Variants in SHISA9 observed in about 807,000 individuals in gnomAD.
The protein encoded by SHISA9 is protein shisa-9.
A neutral mutation model predicts 38.0 loss-of-function variants in SHISA9; 13 were observed. That is an observed-to-expected ratio of 0.34 (90% CI 0.22 to 0.54). The LOEUF (loss-of-function observed/expected upper bound fraction) is 0.54, where lower values mean the gene tolerates loss of function less well. Among genes scored for constraint, SHISA9 ranks in the 20% least tolerant of loss-of-function variants. SHISA9 has a pLI of 0.91. For synonymous variants in SHISA9, 275 were observed against 242.0 expected, an observed-to-expected ratio of 1.14 and a Z score of -1.27; for missense variants, 538 against 575.8, an observed-to-expected ratio of 0.93 and a Z score of 0.67.
chr16:13,213,250 T>C lies in SHISA9; in HGVS notation c.848-3T>C. 6.4e-7 allele frequency: 1 copy of C among 1,551,710 alleles called. No individual in the cohort carries two copies. The highest frequency in any genetic ancestry group is 1.2e-5 in the South Asian group (1 of 84,028). On this transcript the variant is annotated splice_polypyrimidine_tract_variant and splice_region_variant and intron_variant, in intron 3 of 4. Coordinates refer to ENST00000558583, the MANE Select transcript of SHISA9 (RefSeq NM_001145204.3). ...CAGCATTTCTTGATTGTTATTTTTT[T>C]AGGAAGTTCTGATGGTGACTGGGCA...
At chr16:13,546,060 C>T in the SHISA9 span, among the ~76,000 whole-genome samples, 12 of 152,282 alleles carry the variant, frequency 7.9e-5, no homozygotes, top group African/African-American at 2.9e-4. Context: ...CCAGAGAACA[C>T]TAGGCTCACT....
chr16:13,197,170 G>T (rs1165089243), intron 2 of SHISA9, among the ~76,000 whole-genome samples: 7 of 148,986 alleles, frequency 4.7e-5, no homozygotes, highest in African/African-American at 1.7e-4. Context: ...GAGAGAGAGA[G>T]AGAGAGAGAG....
intron 2 of SHISA9, among the ~76,000 whole-genome samples, chr16:13,115,744 A>G (rs1285597204): frequency 6.6e-6 from 1 of 152,236 alleles, no homozygotes; most frequent in Admixed American, 6.5e-5. Flanking sequence ...AAACCTGGCC[A>G]AGAATAACTG....
At chr16:13,016,742 C>A (rs1291907132) in intron 2 of SHISA9, among the ~76,000 whole-genome samples, 1 of 152,134 alleles carries the variant, frequency 6.6e-6, no homozygotes, top group African/African-American at 2.4e-5. Context: ...AGCATTCATT[C>A]ATATGTTTAC....
chr16:13,397,351 C>T, the SHISA9 span, among the ~76,000 whole-genome samples: 1 of 152,196 alleles, frequency 6.6e-6, no homozygotes, highest in African/African-American at 2.4e-5. Context: ...CTGTGACCCA[C>T]AGTGTCTAGG....
intron 2 of SHISA9, among the ~76,000 whole-genome samples, chr16:13,168,413 A>G (rs1275702996): frequency 6.6e-6 from 1 of 152,176 alleles, no homozygotes; most frequent in African/African-American, 2.4e-5. Flanking sequence ...CAACATTACC[A>G]TATCAGTCAC....
chr16:12,909,571 C>T, intron 1 of SHISA9: 1 of 985,350 alleles, frequency 1.0e-6, no homozygotes, highest in Non-Finnish European at 1.2e-6. Context: ...ATAAGCTAAG[C>T]TCATTCCCAT....
the SHISA9 span, among the ~76,000 whole-genome samples, chr16:13,261,283 C>A: frequency 6.6e-6 from 1 of 152,074 alleles, no homozygotes; most frequent in African/African-American, 2.4e-5. Context: ...CTAGTCCGTC[C>A]AGTCAAGATC....
chr16:13,531,854 C>G, the SHISA9 span, among the ~76,000 whole-genome samples: 1 of 152,104 alleles, frequency 6.6e-6, no homozygotes, highest in Non-Finnish European at 1.5e-5. Flanking sequence ...GGCACAGGGC[C>G]TAAATGAAAG....
At chr16:13,389,494 T>C in the SHISA9 span, among the ~76,000 whole-genome samples, 6 of 152,218 alleles carry the variant, frequency 3.9e-5, no homozygotes, top group African/African-American at 1.4e-4. Context: ...ATGCTGTACA[T>C]CTTAAATATA....
At chr16:13,440,176 G>A in the SHISA9 span, among the ~76,000 whole-genome samples, 1 of 152,208 alleles carries the variant, frequency 6.6e-6, no homozygotes, top group African/African-American at 2.4e-5. Context: ...TTAATGGTAT[G>A]TGGGTGGGGG....
chr16:13,043,945 A>G (rs375154216), intron 2 of SHISA9, among the ~76,000 whole-genome samples: 3 of 152,042 alleles, frequency 2.0e-5, no homozygotes, highest in South Asian at 2.1e-4. Flanking sequence ...GATTATCTAT[A>G]TTGCTTCATC....
intron 2 of SHISA9, among the ~76,000 whole-genome samples, chr16:13,081,776 C>CGGGAGGCAGAGGTTGCA (rs1308334340): frequency 6.7e-6 from 1 of 150,290 alleles, no homozygotes; most frequent in East Asian, 2.0e-4. Context: ...TGCTTGAACC[C>CGGGAGGCAGAGGTTGCA]GGGAGGCAGA....
intron 2 of SHISA9, among the ~76,000 whole-genome samples, chr16:13,109,470 C>G (rs2073957121): frequency 6.6e-6 from 1 of 152,202 alleles, no homozygotes; most frequent in Non-Finnish European, 1.5e-5. Flanking sequence ...ACTTAATACA[C>G]ACATCACTCA....
At chr16:13,367,712 GCA>G in the SHISA9 span, among the ~76,000 whole-genome samples, 1,980 of 104,534 alleles carry the variant, frequency 0.019, 20 homozygotes, top group Non-Finnish European at 0.025. Flanking sequence ...GCGCGCGCGC[GCA>G]CACACACACA....
chr16:13,258,560 C>T, the SHISA9 span: 1 of 152,180 alleles, frequency 6.6e-6, no homozygotes, highest in East Asian at 1.9e-4. Context: ...GTATTAATTA[C>T]TTTTCATGCT....
At chr16:12,919,986 C>T (rs1353242463) in intron 2 of SHISA9, among the ~76,000 whole-genome samples, 5 of 152,274 alleles carry the variant, frequency 3.3e-5, no homozygotes, top group East Asian at 1.9e-4. Flanking sequence ...TCCTGCACCC[C>T]GACTTCCCTG....
chr16:13,467,506 T>C, the SHISA9 span, among the ~76,000 whole-genome samples: 1 of 152,218 alleles, frequency 6.6e-6, no homozygotes, highest in African/African-American at 2.4e-5. Context: ...TGAGCCACAC[T>C]ATCAGCTTCT....
chr16:13,528,163 AGGC>A, the SHISA9 span, among the ~76,000 whole-genome samples: 117 of 152,294 alleles, frequency 7.7e-4, no homozygotes, highest in African/African-American at 2.8e-3. Context: ...CAAAGAGAAG[AGGC>A]TTCTGAAAGC....
Sources: allele counts gnomAD v4.1 joint callset (sites outside exome capture counted in the v4.1 genomes callset), GRCh38; gene constraint gnomAD v4.1.1; transcripts MANE v1.5; gene names NCBI Gene and HGNC (gene_info 2026-07-23, HGNC 2026-07-21).